GRIN2A: variants seen among roughly 807,000 people sequenced by gnomAD.
The protein encoded by GRIN2A is glutamate receptor ionotropic, NMDA 2A.
In GRIN2A, 22 loss-of-function variants were observed where a neutral mutation model predicts 113.4. That is an observed-to-expected ratio of 0.19 (90% CI 0.14 to 0.28). The LOEUF (loss-of-function observed/expected upper bound fraction) is 0.28, where lower values mean the gene tolerates loss of function less well. Ranked by LOEUF, GRIN2A falls within the 10% of genes least tolerant of loss-of-function variation. The probability of loss-of-function intolerance (pLI) is 1.00; values close to 1 mark genes in which losing one functional copy is unlikely to be tolerated. For missense variants in GRIN2A, 1,502 were observed against 1,887.0 expected, an observed-to-expected ratio of 0.80 and a Z score of 3.78; for synonymous variants, 827 against 738.4, an observed-to-expected ratio of 1.12 and a Z score of -1.94.
chr16:9,910,781 G>A (rs1262156899), intron 3 of GRIN2A, among the ~76,000 whole-genome samples: 1 of 151,972 alleles, frequency 6.6e-6, no homozygotes, highest in Non-Finnish European at 1.5e-5. Flanking sequence ...CAGACCATCT[G>A]CCTGCCTTGG....
At chr16:9,872,658 A>T (rs1259923054) in intron 4 of GRIN2A, among the ~76,000 whole-genome samples, 1 of 152,176 alleles carries the variant, frequency 6.6e-6, no homozygotes. Flanking sequence ...AAAGAATCCA[A>T]TCACGTCTTT....
Position 9,759,292 on chromosome 16 carries a change from T to C in GRIN2A, c.*3857A>G, listed in dbSNP as rs1306651876. 1.8e-5 allele frequency: 4 copies of C among 221,154 alleles called. No homozygotes were observed. The highest frequency in any genetic ancestry group is 3.6e-5 in the Non-Finnish European group (4 of 110,550). The allele number at this position is 221,154 out of a possible 1,614,324, so 13.7% of individuals were successfully genotyped here. On this transcript the variant is annotated 3_prime_UTR_variant, in exon 13 of 13. Coordinates refer to ENST00000330684, the MANE Select transcript of GRIN2A (RefSeq NM_001134407.3). ...ATTTTTAATCACCATTTAATTAACA[T>C]CAACATTTTTTTTCTTTTTCATTAG...
At chr16:9,894,826 C>T (rs1203015651) in intron 3 of GRIN2A, among the ~76,000 whole-genome samples, 1 of 152,152 alleles carries the variant, frequency 6.6e-6, no homozygotes. Context: ...TCCATACATT[C>T]ATCCATCTAT....
At chr16:10,143,540 G>A (rs1487866723) in intron 2 of GRIN2A, among the ~76,000 whole-genome samples, 1 of 152,132 alleles carries the variant, frequency 6.6e-6, no homozygotes, top group Non-Finnish European at 1.5e-5. Flanking sequence ...TAATAAAATT[G>A]TATTTATAGT....
chr16:9,876,160 C>A (rs151320179), intron 4 of GRIN2A, among the ~76,000 whole-genome samples: 15 of 152,256 alleles, frequency 9.9e-5, no homozygotes, highest in African/African-American at 3.6e-4. Context: ...TGGATACAAT[C>A]CAAGGCTCAG....
At position 9,934,515 on chromosome 16, in the gene GRIN2A, T is replaced by C. The variant is rs555468673; in HGVS notation, c.1007+3444A>G. On this transcript the variant is annotated intron_variant, in intron 3 of 12. Coordinates refer to ENST00000330684, the MANE Select transcript of GRIN2A (RefSeq NM_001134407.3). ...AGACAACATGGTGAAACCTCGTCTC[T>C]ACTAAAAATACAAAAATTAGCCAAA... Among the ~76,000 whole-genome samples the C allele has an allele frequency of 3.6e-3, 549 of 151,950 alleles. 8 individuals carry two copies. The highest frequency in any genetic ancestry group is 3.2e-3 in the Non-Finnish European group (217 of 67,964).
chr16:10,151,650 TAA>T (rs924482226), intron 2 of GRIN2A, among the ~76,000 whole-genome samples: 55 of 152,296 alleles, frequency 3.6e-4, no homozygotes, highest in Admixed American at 2.9e-3. Flanking sequence ...GCTGGAAAAT[TAA>T]AAGTTTCCTC....
chr16:9,966,418 CTCCA>C (rs1209719529), intron 2 of GRIN2A, among the ~76,000 whole-genome samples: 1 of 152,174 alleles, frequency 6.6e-6, no homozygotes, highest in Non-Finnish European at 1.5e-5. Context: ...TGGCCTCCAG[CTCCA>C]TCCATGTCCC....
chr16:10,042,223 C>T (rs1354264328), intron 2 of GRIN2A, among the ~76,000 whole-genome samples: 1 of 152,126 alleles, frequency 6.6e-6, no homozygotes, highest in Admixed American at 6.5e-5. Flanking sequence ...CTTAATCCTC[C>T]CTGTGTGCTT....
chr16:9,880,823 A>C (rs934970730), intron 4 of GRIN2A, among the ~76,000 whole-genome samples: 2 of 152,062 alleles, frequency 1.3e-5, no homozygotes, highest in African/African-American at 4.8e-5. Context: ...CTCCATACAA[A>C]CGCCCTTGAT....
intron 4 of GRIN2A, among the ~76,000 whole-genome samples, chr16:9,872,212 C>T (rs186334278): frequency 6.8e-4 from 103 of 152,226 alleles, no homozygotes; most frequent in African/African-American, 2.4e-3. Flanking sequence ...CCAGAATTAG[C>T]GGGAGTCTCA....
At chr16:9,815,494 TA>T (rs1358469680) in intron 10 of GRIN2A, among the ~76,000 whole-genome samples, 1 of 145,688 alleles carries the variant, frequency 6.9e-6, no homozygotes, top group Non-Finnish European at 1.5e-5. Context: ...CTCAAAAGAA[TA>T]AATACAATTG....
intron 2 of GRIN2A, among the ~76,000 whole-genome samples, chr16:10,083,000 G>A (rs545027139): frequency 6.6e-6 from 1 of 152,250 alleles, no homozygotes; most frequent in Non-Finnish European, 1.5e-5. Flanking sequence ...ATCACAGCAT[G>A]ATTAAATGCA....
In GRIN2A at chr16:10,039,637, G is replaced by A. The variant is rs1453630507; in HGVS notation, c.415-101086C>T. Among the ~76,000 whole-genome samples the A allele has an allele frequency of 2.6e-5, 4 of 151,884 alleles. No homozygotes were observed. The East Asian group carries it at 7.8e-4, about 30-fold the overall frequency. On this transcript the variant is annotated intron_variant, in intron 2 of 12. Coordinates refer to ENST00000330684, the MANE Select transcript of GRIN2A (RefSeq NM_001134407.3). ...TGGGCGCGGGGAGGGTCTGCGCGGG[G>A]AGGGTCCGCACCCGGGAGCGGGGGC...
At chr16:9,942,012 T>G (rs142844140) in intron 2 of GRIN2A, among the ~76,000 whole-genome samples, 2 of 152,156 alleles carry the variant, frequency 1.3e-5, no homozygotes, top group African/African-American at 4.8e-5. Context: ...CCTCATTAAG[T>G]TGTAGGAATT....
At chr16:10,038,726 T>C (rs1596451680) in intron 2 of GRIN2A, among the ~76,000 whole-genome samples, 1 of 151,436 alleles carries the variant, frequency 6.6e-6, no homozygotes, top group Non-Finnish European at 1.5e-5. Flanking sequence ...CAGGCGCCTG[T>C]AGTCTCAGCT....
rs59366857 is a variant in GRIN2A, at chr16:10,174,568, CA to C, written c.414+5429del. On this transcript the variant is annotated intron_variant, in intron 2 of 12. Transcript: ENST00000330684. ...ACATATTTTTTAATCTTTGAAGGGA[CA>C]GGGGAGGGAGTTACATGCACAAAGT... Among the ~76,000 whole-genome samples, 6 of 152,122 alleles carry C rather than the reference CA, an allele frequency of 3.9e-5. No homozygotes were observed. In the East Asian group the frequency reaches 1.2e-3, roughly 29 times the overall value.
At chr16:10,064,789 T>C (rs976783822) in intron 2 of GRIN2A, among the ~76,000 whole-genome samples, 2 of 152,212 alleles carry the variant, frequency 1.3e-5, no homozygotes, top group African/African-American at 2.4e-5. Context: ...AAATGCAAAT[T>C]ACTGTTTGAT....
intron 4 of GRIN2A, among the ~76,000 whole-genome samples, chr16:9,851,439 T>A (rs551725178): frequency 6.6e-6 from 1 of 152,304 alleles, no homozygotes; most frequent in Non-Finnish European, 1.5e-5. Context: ...ACCTACGATG[T>A]CCCAGTGCCA....
Sources: allele counts gnomAD v4.1 joint callset (sites outside exome capture counted in the v4.1 genomes callset), GRCh38; gene constraint gnomAD v4.1.1; transcripts MANE v1.5; gene names NCBI Gene and HGNC (gene_info 2026-07-23, HGNC 2026-07-21).